GALNTL6: variants seen among roughly 807,000 people sequenced by gnomAD.
GALNTL6 encodes the protein polypeptide N-acetylgalactosaminyltransferase like 6, also known as polypeptide N-acetylgalactosaminyltransferase-like 6.
GALNTL6 carries 46 observed loss-of-function variants against 73.7 expected under a neutral mutation model. That is an observed-to-expected ratio of 0.62 (90% CI 0.49 to 0.80). The LOEUF (loss-of-function observed/expected upper bound fraction) is 0.80, where lower values mean the gene tolerates loss of function less well. GALNTL6 is among the 30% of genes least tolerant of loss of function. The pLI is 0.00. For missense variants in GALNTL6, 604 were observed against 755.0 expected (o/e 0.80, Z 2.34); for synonymous variants, 259 against 263.7 (o/e 0.98, Z 0.17).
At chr4:172,885,059 T>A (rs768323321) in intron 8 of GALNTL6, among the ~76,000 whole-genome samples, 2 of 152,202 alleles carry the variant, frequency 1.3e-5, no homozygotes, top group African/African-American at 2.4e-5. Context: ...AGTAATGGGA[T>A]GACTCCAGCT....
At chr4:172,670,270 C>A (rs995755766) in intron 5 of GALNTL6, among the ~76,000 whole-genome samples, 1 of 152,162 alleles carries the variant, frequency 6.6e-6, no homozygotes, top group African/African-American at 2.4e-5. Flanking sequence ...CTGCCACCAA[C>A]AGTATATAAG....
chr4:172,329,258 A>G (rs1373685254), intron 4 of GALNTL6, among the ~76,000 whole-genome samples: 3 of 152,214 alleles, frequency 2.0e-5, no homozygotes, highest in Non-Finnish European at 2.9e-5. Flanking sequence ...GCTCTGTCCC[A>G]GAGAGTTGCA....
At chr4:171,985,783 A>G (rs1231366064) in intron 2 of GALNTL6, among the ~76,000 whole-genome samples, 3 of 151,530 alleles carry the variant, frequency 2.0e-5, no homozygotes, top group Non-Finnish European at 4.4e-5. Context: ...TATAAACATC[A>G]AAAACACTTC....
At chr4:172,341,087 T>C (rs1442618914) in intron 4 of GALNTL6, among the ~76,000 whole-genome samples, 1 of 152,178 alleles carries the variant, frequency 6.6e-6, no homozygotes, top group African/African-American at 2.4e-5. Context: ...CAGGCTAGAG[T>C]GTAAGCAGGG....
intron 5 of GALNTL6, among the ~76,000 whole-genome samples, chr4:172,423,245 G>T (rs552832130): frequency 6.6e-6 from 1 of 152,064 alleles, no homozygotes; most frequent in South Asian, 2.1e-4. Flanking sequence ...TAGCCAAAGT[G>T]GTTCTTTAAA....
intron 5 of GALNTL6, among the ~76,000 whole-genome samples, chr4:172,478,132 CG>C (rs1240419162): frequency 6.6e-6 from 1 of 151,874 alleles, no homozygotes; most frequent in Non-Finnish European, 1.5e-5. Flanking sequence ...TGTCAAATTA[CG>C]AATGTCATTT....
chr4:171,865,569 T>G (rs748033763), intron 2 of GALNTL6, among the ~76,000 whole-genome samples: 4 of 152,246 alleles, frequency 2.6e-5, no homozygotes, highest in Non-Finnish European at 5.9e-5. Context: ...TACATCCAGA[T>G]AGTTTAGAGA....
At chr4:172,671,466 G>A (rs964999439) in intron 5 of GALNTL6, among the ~76,000 whole-genome samples, 3 of 152,102 alleles carry the variant, frequency 2.0e-5, no homozygotes, top group East Asian at 1.9e-4. Flanking sequence ...TGGCTTGACC[G>A]TTTTTGGCAT....
intron 5 of GALNTL6, among the ~76,000 whole-genome samples, chr4:172,557,231 A>T (rs555295328): frequency 6.0e-4 from 92 of 152,212 alleles, no homozygotes; most frequent in Middle Eastern, 3.4e-3. Flanking sequence ...ACCATCACGT[A>T]CCTCTGTTTC....
intron 2 of GALNTL6, among the ~76,000 whole-genome samples, chr4:172,034,831 T>C (rs948481398): frequency 6.6e-6 from 1 of 152,090 alleles, no homozygotes; most frequent in Admixed American, 6.6e-5. Context: ...GCATCAACAG[T>C]CAAGAACATG....
At chr4:172,033,283 G>A (rs113536630) in intron 2 of GALNTL6, among the ~76,000 whole-genome samples, 1 of 152,026 alleles carries the variant, frequency 6.6e-6, no homozygotes, top group African/African-American at 2.4e-5. Flanking sequence ...TTTGTCAAAT[G>A]CTTGTGTTCC....
intron 2 of GALNTL6, among the ~76,000 whole-genome samples, chr4:172,099,528 T>G (rs1163758349): frequency 6.6e-6 from 1 of 151,942 alleles, no homozygotes; most frequent in Non-Finnish European, 1.5e-5. Context: ...AGACCAGAAA[T>G]AATTGGAGGA....
At chr4:172,180,989 C>A (rs1388521569) in intron 2 of GALNTL6, among the ~76,000 whole-genome samples, 1 of 152,080 alleles carries the variant, frequency 6.6e-6, no homozygotes, top group Non-Finnish European at 1.5e-5. Context: ...TTTTCCAATT[C>A]TGTGAAGAAA....
intron 5 of GALNTL6, among the ~76,000 whole-genome samples, chr4:172,622,020 C>T (rs890583837): frequency 2.0e-5 from 3 of 152,146 alleles, no homozygotes; most frequent in African/African-American, 7.2e-5. Flanking sequence ...AGCTCTTCCT[C>T]GATTTGCCAT....
intron 2 of GALNTL6, among the ~76,000 whole-genome samples, chr4:172,058,509 T>G (rs1336818031): frequency 6.6e-6 from 1 of 152,118 alleles, no homozygotes; most frequent in Non-Finnish European, 1.5e-5. Flanking sequence ...TTGATTTTTT[T>G]TCTTACACTT....
intron 4 of GALNTL6, among the ~76,000 whole-genome samples, chr4:172,314,614 T>TTC (rs1740478542): frequency 7.2e-6 from 1 of 138,648 alleles, no homozygotes; most frequent in South Asian, 2.5e-4. Context: ...TTTTTTTTTT[T>TTC]TTTTTTTTTT....
At chr4:172,555,398 T>C (rs1736106574) in intron 5 of GALNTL6, among the ~76,000 whole-genome samples, 1 of 152,080 alleles carries the variant, frequency 6.6e-6, no homozygotes, top group Admixed American at 6.6e-5. Context: ...AACTAAGTGG[T>C]TTAATTTTCA....
chr4:172,593,594 T>C (rs1255433096), intron 5 of GALNTL6, among the ~76,000 whole-genome samples: 2 of 152,158 alleles, frequency 1.3e-5, no homozygotes, highest in Non-Finnish European at 2.9e-5. Context: ...TGTGAGACTC[T>C]TAGTGGATAT....
chr4:171,885,396 A>T (rs530880113), intron 2 of GALNTL6, among the ~76,000 whole-genome samples: 1 of 152,316 alleles, frequency 6.6e-6, no homozygotes, highest in African/African-American at 2.4e-5. Flanking sequence ...GTTAATCTTG[A>T]TATTTATGTT....
Sources: allele counts gnomAD v4.1 joint callset (sites outside exome capture counted in the v4.1 genomes callset), GRCh38; gene constraint gnomAD v4.1.1; transcripts MANE v1.5; gene names NCBI Gene and HGNC (gene_info 2026-07-23, HGNC 2026-07-21).